Variants in PDE4B observed in about 807,000 individuals in gnomAD.
PDE4B encodes 3',5'-cyclic-AMP phosphodiesterase 4B.
Under a neutral mutation model 82.2 loss-of-function variants are expected in PDE4B, and 20 were observed. The observed-to-expected ratio is 0.24, with a 90% CI of 0.17 to 0.35. The LOEUF (loss-of-function observed/expected upper bound fraction) is 0.35, where lower values mean the gene tolerates loss of function less well. Among genes scored for constraint, PDE4B ranks in the 10% least tolerant of loss-of-function variants. The pLI is 1.00. For synonymous variants in PDE4B, 320 were observed against 318.9 expected (o/e 1.00, Z -0.04); for missense variants, 655 against 907.2 (o/e 0.72, Z 3.57).
At chr1:66,084,253 C>T (rs1656889395) in intron 3 of PDE4B, among the ~76,000 whole-genome samples, 1 of 152,030 alleles carries the variant, frequency 6.6e-6, no homozygotes, top group Admixed American at 6.6e-5. Context: ...GTCCTGTTTC[C>T]TATCAGTCAA....
rs143860465 is a variant in PDE4B, at chr1:66,248,789, A to T, written c.476+1135A>T. 3.9e-5 allele frequency among the ~76,000 whole-genome samples: 6 copies of T among 152,368 alleles called. No individual in the cohort carries two copies. The East Asian group carries it at 1.2e-3, about 29-fold the overall frequency. ...TAAATAAGAAAGATAAGAGGAACAC[A>T]CACATACAAACATAACAGAGTGAAA... is the stretch of plus-strand genomic sequence containing the variant. On this transcript the variant is annotated intron_variant, in intron 4 of 16. Coordinates refer to ENST00000341517, the MANE Select transcript of PDE4B (RefSeq NM_002600.4).
At chr1:65,796,896 G>A (rs553300661) in intron 1 of PDE4B, among the ~76,000 whole-genome samples, 2 of 151,746 alleles carry the variant, frequency 1.3e-5, no homozygotes, top group East Asian at 3.9e-4. Context: ...TGATCTGCCT[G>A]CCTCAGCCTC....
chr1:66,044,127 A>G (rs536450894), intron 3 of PDE4B, among the ~76,000 whole-genome samples: 1 of 151,842 alleles, frequency 6.6e-6, no homozygotes, highest in East Asian at 1.9e-4. Flanking sequence ...TTGCTTCTGA[A>G]GAAACTGACA....
rs141035147 is a variant in PDE4B, at chr1:65,818,685, C to CACATATATAT, written c.-71+25438_-71+25439insCATATATATA. On this transcript the variant is annotated intron_variant, in intron 1 of 16. Transcript: ENST00000341517. The stretch of plus-strand genomic sequence containing the variant: ...ATACATATATATTCACACACACACA[C>CACATATATAT]ATATATATATATATATATAAAATAA... Among the ~76,000 whole-genome samples, 126 of 143,772 alleles carry CACATATATAT rather than the reference C, an allele frequency of 8.8e-4. 1 individual carries two copies. The highest frequency in any genetic ancestry group is 3.6e-3 in the Middle Eastern group (1 of 278). 94.3% of individuals were successfully genotyped at this position (143,772 alleles called of 152,430 possible). A position where few individuals can be genotyped will look rare whatever the true frequency, so the allele number is the denominator to read the frequency against.
intron 3 of PDE4B, among the ~76,000 whole-genome samples, chr1:66,172,790 G>C (rs1432448961): frequency 7.6e-6 from 1 of 131,996 alleles, no homozygotes; most frequent in African/African-American, 2.9e-5. Flanking sequence ...TATGTATTAT[G>C]TATAAGTTGG....
At chr1:65,815,089 C>T (rs1045499119) in intron 1 of PDE4B, among the ~76,000 whole-genome samples, 2 of 150,298 alleles carry the variant, frequency 1.3e-5, no homozygotes, top group Non-Finnish European at 3.0e-5. Flanking sequence ...TTAAGTTTTA[C>T]GGTACACGTG....
intron 3 of PDE4B, among the ~76,000 whole-genome samples, chr1:66,199,563 A>C (rs1460111760): frequency 6.6e-6 from 1 of 152,038 alleles, no homozygotes; most frequent in Non-Finnish European, 1.5e-5. Context: ...CCCATTTTGT[A>C]AGTTGCCTCC....
At chr1:66,165,257 A>G (rs1287977041) in intron 3 of PDE4B, among the ~76,000 whole-genome samples, 1 of 152,186 alleles carries the variant, frequency 6.6e-6, no homozygotes, top group East Asian at 1.9e-4. Flanking sequence ...TGGTATTTAT[A>G]ATAGCTATTG....
intron 3 of PDE4B, among the ~76,000 whole-genome samples, chr1:66,134,376 T>A (rs1005501181): frequency 6.6e-6 from 1 of 152,244 alleles, no homozygotes. Flanking sequence ...CACGGCCTTT[T>A]ACCACATCTC....
At chr1:65,985,817 C>G (rs1650928305) in intron 3 of PDE4B, among the ~76,000 whole-genome samples, 1 of 152,152 alleles carries the variant, frequency 6.6e-6, no homozygotes, top group Admixed American at 6.5e-5. Flanking sequence ...CCTAATTACT[C>G]TGCTAAAACC....
chr1:65,887,875 A>G (rs1646808970), intron 1 of PDE4B, among the ~76,000 whole-genome samples: 1 of 152,044 alleles, frequency 6.6e-6, no homozygotes, highest in African/African-American at 2.4e-5. Flanking sequence ...TAGTTTGCAA[A>G]TAGATTATTC....
At chr1:65,882,958 TATGTCTTC>T (rs951148718) in intron 1 of PDE4B, among the ~76,000 whole-genome samples, 5 of 152,188 alleles carry the variant, frequency 3.3e-5, no homozygotes, top group Non-Finnish European at 7.4e-5. Context: ...ACTTGGAATT[TATGTCTTC>T]ATTTGAATCT....
chr1:66,065,864 G>A (rs75242705), intron 3 of PDE4B, among the ~76,000 whole-genome samples: 5 of 151,866 alleles, frequency 3.3e-5, no homozygotes, highest in African/African-American at 9.6e-5. Flanking sequence ...TACGCTTACC[G>A]AGTTCATAAT....
intron 3 of PDE4B, among the ~76,000 whole-genome samples, chr1:66,156,317 A>G (rs1646500369): frequency 1.3e-5 from 2 of 152,158 alleles, no homozygotes; most frequent in South Asian, 4.1e-4. Flanking sequence ...GCACACAAAC[A>G]AGAAGTAGGA....
At chr1:66,088,971 C>T (rs1644955937) in intron 3 of PDE4B, among the ~76,000 whole-genome samples, 1 of 152,034 alleles carries the variant, frequency 6.6e-6, no homozygotes, top group South Asian at 2.1e-4. Flanking sequence ...GCAGAGTTCT[C>T]CATATGACCC....
chr1:66,123,313 A>C (rs1169184788), intron 3 of PDE4B, among the ~76,000 whole-genome samples: 1 of 152,248 alleles, frequency 6.6e-6, no homozygotes, highest in African/African-American at 2.4e-5. Context: ...CTTTCTTGAC[A>C]GCATTTTGAA....
intron 3 of PDE4B, among the ~76,000 whole-genome samples, chr1:66,201,726 T>C (rs909965397): frequency 6.6e-6 from 1 of 152,024 alleles, no homozygotes; most frequent in African/African-American, 2.4e-5. Flanking sequence ...TCTGTTTGAT[T>C]CTTCTCTCTT....
At chr1:66,081,598 T>A (rs1043652297) in intron 3 of PDE4B, among the ~76,000 whole-genome samples, 1 of 152,146 alleles carries the variant, frequency 6.6e-6, no homozygotes, top group East Asian at 1.9e-4. Flanking sequence ...AGCAATTCAA[T>A]TCTATATTGT....
intron 3 of PDE4B, among the ~76,000 whole-genome samples, chr1:66,054,905 C>CTA (rs1321517993): frequency 5.3e-5 from 8 of 152,086 alleles, no homozygotes; most frequent in Admixed American, 2.0e-4. Flanking sequence ...TGACATCTTC[C>CTA]TATAATATTG....
Sources: gnomAD v4.1 joint callset for allele counts (sites outside exome capture counted in the v4.1 genomes callset) on GRCh38, gnomAD v4.1.1 for gene constraint, MANE v1.5 for transcripts, NCBI Gene and HGNC (gene_info 2026-07-23, HGNC 2026-07-21) for gene names.